CDHR2: variants seen among roughly 807,000 people sequenced by gnomAD.
CDHR2 encodes the protein cadherin-related family member 2.
CDHR2 carries 104 observed loss-of-function variants against 138.6 expected under a neutral mutation model. The observed-to-expected ratio is 0.75, with a 90% CI of 0.64 to 0.88. The LOEUF (loss-of-function observed/expected upper bound fraction) is 0.88, where lower values mean the gene tolerates loss of function less well. Among genes scored for constraint, CDHR2 ranks in the 40% least tolerant of loss-of-function variants. The pLI, the probability that CDHR2 is intolerant of heterozygous loss-of-function variation, is 0.00. For missense variants in CDHR2, 1,624 were observed against 1,727.6 expected (o/e 0.94, Z 1.06); for synonymous variants, 755 against 742.8 (o/e 1.02, Z -0.27).
chr5:176,595,549 C>G lies in CDHR2; in HGVS notation c.3810C>G (p.His1270Gln). Reference protein sequence around the residue: ...SQEIKEHRPPHTPPEPDPEPL... With the variant: ...SQEIKEHRPPQTPPEPDPEPL... The stretch of plus-strand genomic sequence containing the variant: ...CCCTGCAGGAGCACAGGCCACCACA[C>G]ACACCACCAGAGCCAGATCCAGAGC... The change falls in exon 32 of 32, where the codon CAC (histidine) becomes CAG (glutamine). Residue 1270 changes from histidine to glutamine, a missense_variant. By Grantham distance (24) the His-to-Gln change is conservative. Transcript: ENST00000261944. The G allele has an allele frequency of 6.2e-7, 1 of 1,608,380 alleles. No homozygotes were observed. Among genetic ancestry groups the G allele is most frequent in the Non-Finnish European group, 8.5e-7 (1 of 1,177,134 alleles).
chr5:176,557,712 T>TCCTTCCTTCCTTCCTTCCTTCC (rs1561866775), intron 1 of CDHR2, among the ~76,000 whole-genome samples: 21 of 146,224 alleles, frequency 1.4e-4, no homozygotes, highest in African/African-American at 5.3e-4. Context: ...CTTTCTTTCT[T>TCCTTCCTTCCTTCCTTCCTTCC]TTTTTTTTAT....
At chr5:176,580,536 AAAAAAAAG>A (rs1374552149) in intron 16 of CDHR2, among the ~76,000 whole-genome samples, 1 of 151,446 alleles carries the variant, frequency 6.6e-6, no homozygotes, top group Admixed American at 6.6e-5. Context: ...CTCAAAAAAA[AAAAAAAAG>A]AAAGAAAGAA....
In CDHR2 at chr5:176,589,393, C is replaced by G; in HGVS notation, c.3072C>G (p.Asp1024Glu). The G allele has an allele frequency of 6.4e-7, 1 of 1,573,074 alleles. No individual in the cohort carries two copies. The highest frequency in any genetic ancestry group is 8.6e-7 in the Non-Finnish European group (1 of 1,157,782). Residue 1024 changes from aspartate (D) to glutamate (E), a missense_variant, in exon 23 of 32, where the codon GAC becomes GAG. Coordinates refer to ENST00000261944, the MANE Select transcript of CDHR2 (RefSeq NM_017675.6). ...ACCAAGTGACAGTCCAGGCCAGGGA[C>G]AGACCTTCCTTGGGTCCTTTCCTGG... Reference protein sequence around the residue: ...GTYQVTVQARDRPSLGPFLEA... With the variant: ...GTYQVTVQARERPSLGPFLEA...
chr5:176,548,739 A>C (rs1190392149), upstream of CDHR2, among the ~76,000 whole-genome samples: 1 of 151,830 alleles, frequency 6.6e-6, no homozygotes, highest in Admixed American at 6.6e-5. Flanking sequence ...CAAGACTCTG[A>C]CTCAAAAATA....
At chr5:176,588,689 ATG>A (rs1225313355) in intron 21 of CDHR2, among the ~76,000 whole-genome samples, 7 of 134,662 alleles carry the variant, frequency 5.2e-5, no homozygotes, top group Non-Finnish European at 7.9e-5. Flanking sequence ...GAGGGTGTGT[ATG>A]TGAGAGAGAC....
Position 176,591,113 on chromosome 5 carries a change from A to G in CDHR2, c.3540-97A>G, listed in dbSNP as rs191162053. ...CCTCTGTAAAATAGAGCTAACACTCACCTCCCGGGATCTTGTGAAGCCACA... is the reference window on the plus strand; with the variant it reads ...CCTCTGTAAAATAGAGCTAACACTCGCCTCCCGGGATCTTGTGAAGCCACA... On this transcript the variant is annotated intron_variant, in intron 28 of 31. Transcript: ENST00000261944. 34 of 791,290 alleles carry G rather than the reference A, an allele frequency of 4.3e-5. No individual in the cohort carries two copies. The Admixed American group carries it at 7.3e-4, about 17-fold the overall frequency. The allele number at this position is 791,290 out of a possible 1,614,324, so 49.0% of individuals were successfully genotyped here. A position where few individuals can be genotyped will look rare whatever the true frequency, so the allele number is the denominator to read the frequency against.
chr5:176,557,939 C>T (rs1197789365), intron 1 of CDHR2, among the ~76,000 whole-genome samples: 3 of 151,854 alleles, frequency 2.0e-5, no homozygotes, highest in African/African-American at 7.3e-5. Flanking sequence ...AACTCCAGAC[C>T]GCGTGATCCA....
chr5:176,544,451 C>CTCTCTTTCCTTT (rs371507296), upstream of CDHR2, among the ~76,000 whole-genome samples: 58,811 of 145,972 alleles, frequency 0.4, 14,871 homozygotes, highest in African/African-American at 0.69. Context: ...TTCTCTCTTT[C>CTCTCTTTCCTTT]CTTTTTTTGA....
chr5:176,569,079 C>T (rs1258463182), intron 5 of CDHR2, 69 bp downstream of exon 5: 34 of 1,467,782 alleles, frequency 2.3e-5, no homozygotes, highest in East Asian at 4.6e-5. Flanking sequence ...TCCCCACCTC[C>T]GGCAAGCGGA....
chr5:176,575,763 G>T lies in CDHR2; in HGVS notation c.884G>T (p.Gly295Val). 6.4e-7 allele frequency: 1 copy of T among 1,567,532 alleles called. No individual in the cohort carries two copies. The highest frequency in any genetic ancestry group is 8.7e-7 in the Non-Finnish European group (1 of 1,155,438). ...GGCTGGTTTGACATCGGGGCAGATG[G>T]GGTGATCAGGGTCAACGGCTCCCTG... is the stretch of plus-strand genomic sequence containing the variant. Reference protein sequence around the residue: ...RPGWFDIGADGVIRVNGSLDR... With the variant: ...RPGWFDIGADVVIRVNGSLDR... The change falls in exon 11 of 32, where the codon GGG becomes GTG. Residue 295 changes from glycine to valine, a missense_variant. Gly to Val is a moderately radical substitution (Grantham distance 109). Around this residue, in one of 3 missense-constraint regions of CDHR2, gnomAD observed 1,061 missense variants for 1,136.6 expected, o/e 0.93. Transcript: ENST00000261944.
rs533394997 is a variant in CDHR2, at chr5:176,575,590, G to A, written c.844+9G>A. Reference sequence around the variant, plus strand: ...GATCTACAGCATCTCCTGTGAGAACGGGGTGTCCCCAGGCCAGGGCTGGGC... The same window carrying A: ...GATCTACAGCATCTCCTGTGAGAACAGGGTGTCCCCAGGCCAGGGCTGGGC... On this transcript the variant is annotated intron_variant, in intron 10 of 31. Coordinates refer to ENST00000261944, the MANE Select transcript of CDHR2 (RefSeq NM_017675.6). The A allele has an allele frequency of 1.9e-5, 31 of 1,613,842 alleles. No homozygotes were observed. In the East Asian group the frequency reaches 2.2e-4, roughly 12 times the overall value.
chr5:176,588,087 TC>T (rs1758710536), intron 21 of CDHR2, among the ~76,000 whole-genome samples: 1 of 152,128 alleles, frequency 6.6e-6, no homozygotes, highest in Non-Finnish European at 1.5e-5. Context: ...AATGCTTGTG[TC>T]CCCTCCCCAA....
At chr5:176,589,479 C>T (rs990803852) in intron 23 of CDHR2, 41 bp downstream of exon 23, 21 of 1,612,174 alleles carry the variant, frequency 1.3e-5, no homozygotes, top group Non-Finnish European at 1.8e-5. Context: ...CGCCCTCTGC[C>T]AGCCCCCAGG....
At position 176,543,206 on chromosome 5, in the gene CDHR2, TGCTCGCCGGCCCTGCGCCCGGGGC is replaced by T. The variant is rs1225360376; in HGVS notation, c.-16+443_-16+466del. On this transcript the variant is annotated intron_variant, in intron 1 of 31. Coordinates refer to the CDHR2 transcript ENST00000510636. This position sits in a 1 kb window ranked among gnomAD's most constrained non-coding sequence, Gnocchi z 4.0. ...CCCGCGGCCGCCCCCTACCGCCGCGTGCTCGCCGGCCCTGCGCCCGGGGCGCTCGGCGCAGGGTCCGGGCCCGGC... is the reference window on the plus strand; with the variant it reads ...CCCGCGGCCGCCCCCTACCGCCGCGTGCTCGGCGCAGGGTCCGGGCCCGGC... Among the ~76,000 whole-genome samples the T allele has an allele frequency of 4.3e-4, 64 of 147,962 alleles. No individual in the cohort carries two copies. Among genetic ancestry groups the T allele is most frequent in the African/African-American group, 1.5e-3 (61 of 40,954 alleles).
intron 1 of CDHR2, among the ~76,000 whole-genome samples, chr5:176,552,730 C>T (rs1417948012): frequency 6.6e-6 from 1 of 152,202 alleles, no homozygotes; most frequent in Admixed American, 6.5e-5. Context: ...AAACCCGGGG[C>T]CAACCCCAGC....
At position 176,578,086 on chromosome 5, in the gene CDHR2, C is replaced by T; in HGVS notation, c.1565C>T (p.Pro522Leu). Reference protein sequence around the residue: ...AWGQITYSLLPGNGADLFQVD... With the variant: ...AWGQITYSLLLGNGADLFQVD... The stretch of plus-strand genomic sequence containing the variant: ...GGCCAAATTACCTACAGCCTGCTCC[C>T]AGGAAATGGGTAAGGGCTCAGGGTG... Residue 522 changes from proline (P) to leucine (L), a missense_variant, in exon 15 of 32, where the codon CCA becomes CTA. Physicochemically the swap from Pro to Leu is moderately conservative, Grantham distance 98. Around this residue, in one of 3 missense-constraint regions of CDHR2, gnomAD observed 1,061 missense variants for 1,136.6 expected, o/e 0.93. Transcript: ENST00000261944. 6.2e-7 allele frequency: 1 copy of T among 1,612,824 alleles called. No homozygotes were observed. The highest frequency in any genetic ancestry group is 1.1e-5 in the South Asian group (1 of 90,960).
chr5:176,572,390 A>AAAATAAAT lies in CDHR2; in HGVS notation c.405+1107_405+1114dup, dbSNP rs10527338. Among the ~76,000 whole-genome samples, 1,068 of 148,600 alleles carry AAAATAAAT rather than the reference A, an allele frequency of 7.2e-3. 12 individuals are homozygous for AAAATAAAT. The highest frequency in any genetic ancestry group is 0.031 in the Middle Eastern group (9 of 286). On this transcript the variant is annotated intron_variant, in intron 6 of 31. Transcript: ENST00000261944. ...GCAACAAGAACAAAACTCCATCTCA[A>AAAATAAAT]AAATAAATAAATAAATAAATAAATA...
At chr5:176,587,434 G>C (rs1278714115) in intron 21 of CDHR2, among the ~76,000 whole-genome samples, 1 of 151,908 alleles carries the variant, frequency 6.6e-6, no homozygotes, top group Non-Finnish European at 1.5e-5. Flanking sequence ...GGCGACAAGA[G>C]TGAAACTCTG....
chr5:176,562,789 G>T (rs866612015), intron 1 of CDHR2, among the ~76,000 whole-genome samples: 1 of 152,124 alleles, frequency 6.6e-6, no homozygotes, highest in South Asian at 2.1e-4. Flanking sequence ...TATTCAACAG[G>T]TTACAGGAGG....
Sources: gnomAD v4.1 joint callset for allele counts (sites outside exome capture counted in the v4.1 genomes callset) on GRCh38, gnomAD v4.1.1 for gene constraint, gnomAD v4.1.1 regional missense constraint, Gnocchi (gnomAD v3.1) non-coding constraint, MANE v1.5 for transcripts, NCBI Gene and HGNC (gene_info 2026-07-23, HGNC 2026-07-21) for gene names.